The following CNTNAP5 variants were observed in gnomAD, a reference collection of about 807,000 sequenced individuals.
The protein encoded by CNTNAP5 is contactin-associated protein-like 5.
In CNTNAP5, 72 loss-of-function variants were observed where a neutral mutation model predicts 150.2. That is an observed-to-expected ratio of 0.48 (90% CI 0.40 to 0.58). CNTNAP5 has a LOEUF of 0.58. Among genes scored for constraint, CNTNAP5 ranks in the 20% least tolerant of loss-of-function variants. The pLI is 0.00. For synonymous variants in CNTNAP5, 672 were observed against 619.8 expected (o/e 1.08, Z -1.25); for missense variants, 1,636 against 1,626.2 (o/e 1.01, Z -0.10).
rs758571605 is a variant in CNTNAP5, at chr2:124,025,692, G to A, written c.42G>A (p.Leu14=). 1.9e-6 allele frequency: 3 copies of A among 1,613,902 alleles called. No individual in the cohort carries two copies. The highest frequency in any genetic ancestry group is 2.5e-6 in the Non-Finnish European group (3 of 1,179,868). Reference sequence around the variant, plus strand: ...GGCTGACCAGCGTTTTGACTTTGCTGTTCTCTGGCTTGTGGCATTTAGGAT... The same window carrying A: ...GGCTGACCAGCGTTTTGACTTTGCTATTCTCTGGCTTGTGGCATTTAGGAT... The part of the protein sequence containing the change: ...LPRLTSVLTL[L]FSGLWHLGLT... Residue 14 remains leucine (L), a synonymous_variant, in exon 1 of 24, where the codon CTG becomes CTA. Coordinates refer to ENST00000682447, the MANE Select transcript of CNTNAP5 (RefSeq NM_001367498.1).
intron 11 of CNTNAP5, among the ~76,000 whole-genome samples, chr2:124,582,224 TG>T (rs1296208681): frequency 6.6e-6 from 1 of 152,054 alleles, no homozygotes; most frequent in Non-Finnish European, 1.5e-5. Flanking sequence ...TTTGCAGGCA[TG>T]TGGTTGGGAA....
At position 124,279,040 on chromosome 2, in the gene CNTNAP5, A is replaced by T. The variant is rs549037644; in HGVS notation, c.381+36647A>T. Among the ~76,000 whole-genome samples, 87 of 152,092 alleles carry T rather than the reference A, an allele frequency of 5.7e-4. 3 individuals carry two copies. The South Asian group carries it at 0.016, about 28-fold the overall frequency. On this transcript the variant is annotated intron_variant, in intron 3 of 23. Transcript: ENST00000682447. ...TGAACAAGACAGGTTCTAGAGGACC[A>T]TGGGCTGCCACATATCCTAGACAGA...
At chr2:124,373,400 A>G (rs1226436903) in intron 3 of CNTNAP5, among the ~76,000 whole-genome samples, 1 of 152,270 alleles carries the variant, frequency 6.6e-6, no homozygotes, top group African/African-American at 2.4e-5. Flanking sequence ...CAGATCAAGG[A>G]ATGGAGAGAC....
At chr2:124,163,057 C>T (rs972977979) in intron 1 of CNTNAP5, among the ~76,000 whole-genome samples, 1 of 152,054 alleles carries the variant, frequency 6.6e-6, no homozygotes, top group Admixed American at 6.6e-5. Flanking sequence ...ATTCTTGAAC[C>T]CTTTCTCCTA....
chr2:124,678,497 G>T (rs1678994267), intron 13 of CNTNAP5, among the ~76,000 whole-genome samples: 1 of 151,538 alleles, frequency 6.6e-6, no homozygotes, highest in African/African-American at 2.4e-5. Context: ...TTCTGCTCTT[G>T]TCTGCCTGCC....
chr2:124,812,577 A>G (rs1682260628), intron 19 of CNTNAP5, among the ~76,000 whole-genome samples: 1 of 152,190 alleles, frequency 6.6e-6, no homozygotes, highest in Non-Finnish European at 1.5e-5. Flanking sequence ...CTCTAAATCC[A>G]GCCACCTGGA....
intron 3 of CNTNAP5, among the ~76,000 whole-genome samples, chr2:124,266,948 A>T (rs1224351086): frequency 1.3e-5 from 2 of 150,408 alleles, no homozygotes; most frequent in Non-Finnish European, 2.9e-5. Flanking sequence ...TAGATTTATT[A>T]TGTGGGAAAG....
At chr2:124,067,732 C>T (rs1682196854) in intron 1 of CNTNAP5, among the ~76,000 whole-genome samples, 1 of 152,074 alleles carries the variant, frequency 6.6e-6, no homozygotes, top group Non-Finnish European at 1.5e-5. Context: ...AGTGTTAAGG[C>T]TTGAGAAAAG....
intron 3 of CNTNAP5, among the ~76,000 whole-genome samples, chr2:124,351,011 C>T (rs1172092899): frequency 6.6e-6 from 1 of 152,118 alleles, no homozygotes; most frequent in Admixed American, 6.5e-5. Context: ...TCGATTTACA[C>T]TGGCTTACAC....
chr2:124,493,542 A>G (rs1694079384), intron 7 of CNTNAP5, among the ~76,000 whole-genome samples: 1 of 151,836 alleles, frequency 6.6e-6, no homozygotes, highest in Admixed American at 6.6e-5. Context: ...GGGTTTCACC[A>G]TGTTGGCCAG....
chr2:124,487,801 TTC>T (rs1573407666), intron 7 of CNTNAP5, among the ~76,000 whole-genome samples: 1 of 152,110 alleles, frequency 6.6e-6, no homozygotes, highest in African/African-American at 2.4e-5. Context: ...AGGCTTTTTT[TTC>T]CCCCATGTTT....
chr2:124,464,526 A>T (rs1223011268), intron 6 of CNTNAP5, among the ~76,000 whole-genome samples: 1 of 152,212 alleles, frequency 6.6e-6, no homozygotes, highest in African/African-American at 2.4e-5. Flanking sequence ...CGAGCATATT[A>T]AAGTGACAGA....
intron 11 of CNTNAP5, among the ~76,000 whole-genome samples, chr2:124,599,116 C>A (rs569796272): frequency 6.6e-6 from 1 of 152,180 alleles, no homozygotes; most frequent in Non-Finnish European, 1.5e-5. Context: ...GCGTCGCTCA[C>A]GCTGGGAGCT....
At chr2:124,659,467 T>C (rs1678537475) in intron 13 of CNTNAP5, among the ~76,000 whole-genome samples, 1 of 152,242 alleles carries the variant, frequency 6.6e-6, no homozygotes, top group Admixed American at 6.5e-5. Flanking sequence ...ATTCCCCCAC[T>C]CTGCCACTTA....
chr2:124,751,436 G>T (rs929531603), intron 14 of CNTNAP5, among the ~76,000 whole-genome samples: 62 of 152,092 alleles, frequency 4.1e-4, no homozygotes, highest in African/African-American at 1.4e-3. Flanking sequence ...AGGATTATGG[G>T]CATACAATAA....
At chr2:124,557,834 G>A (rs992270399) in intron 10 of CNTNAP5, among the ~76,000 whole-genome samples, 3 of 152,092 alleles carry the variant, frequency 2.0e-5, no homozygotes, top group Non-Finnish European at 2.9e-5. Context: ...GGACATCTGG[G>A]GAAAAATGCT....
rs185173997 is a variant in CNTNAP5, at chr2:124,552,640, A to G, written c.1650-10577A>G. Among the ~76,000 whole-genome samples the G allele has an allele frequency of 5.1e-4, 78 of 152,292 alleles. No homozygotes were observed. The East Asian group carries it at 0.014, about 28-fold the overall frequency. ...ACATGCACACATATATGTATGTGTG[A>G]GTATATCTATAAATTTGTGTGTGTA... On this transcript the variant is annotated intron_variant, in intron 10 of 23. Transcript: ENST00000682447.
intron 17 of CNTNAP5, among the ~76,000 whole-genome samples, chr2:124,784,466 C>T (rs1224453028): frequency 6.6e-6 from 1 of 152,164 alleles, no homozygotes; most frequent in Non-Finnish European, 1.5e-5. Flanking sequence ...TTGATTCATA[C>T]TCAGTCCAAG....
chr2:124,638,699 A>G (rs1213841421), intron 12 of CNTNAP5, among the ~76,000 whole-genome samples: 3 of 152,132 alleles, frequency 2.0e-5, no homozygotes, highest in Admixed American at 2.0e-4. Context: ...TTTTTTAGAT[A>G]ACTATTTATA....
Sources: allele counts gnomAD v4.1 joint callset (sites outside exome capture counted in the v4.1 genomes callset), GRCh38; gene constraint gnomAD v4.1.1; transcripts MANE v1.5; gene names NCBI Gene and HGNC (gene_info 2026-07-23, HGNC 2026-07-21).